The following FUT9 variants were observed in gnomAD, a reference collection of about 807,000 sequenced individuals.
The protein encoded by FUT9 is fucosyltransferase 9.
FUT9 carries 15 observed loss-of-function variants against 29.7 expected under a neutral mutation model. The ratio of observed to expected loss-of-function variants is 0.51; its 90% CI spans 0.34 to 0.78. FUT9 has a LOEUF of 0.78. Ranked by LOEUF, FUT9 falls within the 30% of genes least tolerant of loss-of-function variation. The probability of loss-of-function intolerance (pLI) is 0.01; values close to 1 mark genes in which losing one functional copy is unlikely to be tolerated. For missense variants in FUT9, 319 were observed against 425.4 expected (o/e 0.75, Z 2.20); for synonymous variants, 169 against 153.7 (o/e 1.10, Z -0.74).
In FUT9 at chr6:96,041,659, G is replaced by A. The variant is rs538054320; in HGVS notation, c.-98+25447G>A. On this transcript the variant is annotated intron_variant, in intron 1 of 2. Coordinates refer to ENST00000302103, the MANE Select transcript of FUT9 (RefSeq NM_006581.4). ...GGACACTAGTTTTTCCTTCATAAAAGCATATGTCTAAGGGCATTTCCAGCT... is the reference window on the plus strand; with the variant it reads ...GGACACTAGTTTTTCCTTCATAAAAACATATGTCTAAGGGCATTTCCAGCT... Among the ~76,000 whole-genome samples the A allele has an allele frequency of 9.9e-5, 15 of 152,246 alleles. No individual in the cohort carries two copies. In the South Asian group the frequency reaches 2.9e-3, roughly 29 times the overall value.
In FUT9 at chr6:96,205,294, A is replaced by G. The variant is rs1295876264; in HGVS notation, c.*1059A>G. 2 of 167,058 alleles carry G rather than the reference A, an allele frequency of 1.2e-5. No homozygotes were observed. Among genetic ancestry groups the G allele is most frequent in the Non-Finnish European group, 2.9e-5 (2 of 68,102 alleles). The allele number at this position is 167,058 out of a possible 1,614,324, so 10.3% of individuals were successfully genotyped here. A position where few individuals can be genotyped will look rare whatever the true frequency, so the allele number is the denominator to read the frequency against. ...TTAAATATAAGACGTTAAATATAAT[A>G]AAGTGGGGATATATAGAAAACACAC... On this transcript the variant is annotated 3_prime_UTR_variant, in exon 3 of 3. Coordinates refer to ENST00000302103, the MANE Select transcript of FUT9 (RefSeq NM_006581.4).
intron 1 of FUT9, among the ~76,000 whole-genome samples, chr6:96,069,616 T>A (rs1452022311): frequency 1.0e-5 from 1 of 97,390 alleles, no homozygotes; most frequent in Non-Finnish European, 2.3e-5. Flanking sequence ...CTATTATTTT[T>A]TTATTTTTTT....
intron 2 of FUT9, among the ~76,000 whole-genome samples, chr6:96,197,267 G>A (rs1773643426): frequency 6.6e-6 from 1 of 152,162 alleles, no homozygotes; most frequent in Non-Finnish European, 1.5e-5. Flanking sequence ...GAATATTTAG[G>A]AAAAGTGCTG....
intron 2 of FUT9, among the ~76,000 whole-genome samples, chr6:96,191,962 T>C (rs958924147): frequency 1.3e-5 from 2 of 152,156 alleles, no homozygotes; most frequent in Non-Finnish European, 2.9e-5. Context: ...CACATGATTA[T>C]CTCAATAGAT....
At chr6:96,034,929 T>A (rs1271099097) in intron 1 of FUT9, among the ~76,000 whole-genome samples, 1 of 151,682 alleles carries the variant, frequency 6.6e-6, no homozygotes, top group Admixed American at 6.6e-5. Context: ...GAATAGTGGT[T>A]TGGGAACTAC....
rs1212599739 is a variant in FUT9, at chr6:96,203,257, C to A, written c.102C>A (p.Asn34Lys). 1 of 1,613,790 alleles carries A rather than the reference C, an allele frequency of 6.2e-7. No homozygotes were observed. The highest frequency in any genetic ancestry group is 1.3e-5 in the African/African-American group (1 of 74,908). Residue 34 changes from asparagine (N) to lysine (K), a missense_variant, in exon 3 of 3, where the codon AAC becomes AAA. Asn to Lys is a moderately conservative substitution (Grantham distance 94). Coordinates refer to ENST00000302103, the MANE Select transcript of FUT9 (RefSeq NM_006581.4). ...ACLLIYIKPT[N>K]SWIFSPMESA... The stretch of plus-strand genomic sequence containing the variant: ...TTCTCATTTACATCAAACCTACCAA[C>A]AGCTGGATCTTCAGTCCAATGGAAT...
intron 1 of FUT9, among the ~76,000 whole-genome samples, chr6:96,068,953 A>G (rs1771007228): frequency 6.6e-6 from 1 of 152,240 alleles, no homozygotes; most frequent in South Asian, 2.1e-4. Context: ...TTTTGTACGC[A>G]GATAATAACC....
At chr6:96,154,821 G>A (rs879525417) in intron 2 of FUT9, among the ~76,000 whole-genome samples, 2 of 152,198 alleles carry the variant, frequency 1.3e-5, no homozygotes, top group Non-Finnish European at 2.9e-5. Flanking sequence ...AGTATTTCAT[G>A]TGAACACTTC....
chr6:96,068,994 T>G (rs1357271929), intron 1 of FUT9, among the ~76,000 whole-genome samples: 1 of 152,216 alleles, frequency 6.6e-6, no homozygotes, highest in Non-Finnish European at 1.5e-5. Context: ...TAGGATTCTA[T>G]TTACAGAAAC....
intron 1 of FUT9, among the ~76,000 whole-genome samples, chr6:96,043,112 C>A (rs996953208): frequency 6.6e-6 from 1 of 152,130 alleles, no homozygotes; most frequent in African/African-American, 2.4e-5. Flanking sequence ...AGTGCGGTGG[C>A]GCGATCTCGG....
At chr6:96,051,212 C>A (rs1770663836) in intron 1 of FUT9, among the ~76,000 whole-genome samples, 1 of 151,864 alleles carries the variant, frequency 6.6e-6, no homozygotes, top group African/African-American at 2.4e-5. Flanking sequence ...ACATACCTGG[C>A]CTTTGTGGGG....
intron 1 of FUT9, among the ~76,000 whole-genome samples, chr6:96,024,016 T>G (rs1770118943): frequency 6.6e-6 from 1 of 151,890 alleles, no homozygotes; most frequent in Non-Finnish European, 1.5e-5. Flanking sequence ...AATATATTAA[T>G]TACTATACAA....
chr6:96,032,293 C>G (rs934886159), intron 1 of FUT9, among the ~76,000 whole-genome samples: 25 of 151,542 alleles, frequency 1.6e-4, no homozygotes, highest in Non-Finnish European at 3.7e-4. Flanking sequence ...AACTTTCTAT[C>G]CCTAATGACT....
chr6:96,184,739 A>C (rs560984456), intron 2 of FUT9, among the ~76,000 whole-genome samples: 11 of 152,096 alleles, frequency 7.2e-5, no homozygotes, highest in African/African-American at 2.7e-4. Context: ...AGGTTATTTA[A>C]TTTCTATTTA....
At chr6:96,113,831 G>A (rs544506847) in intron 1 of FUT9, among the ~76,000 whole-genome samples, 35 of 145,086 alleles carry the variant, frequency 2.4e-4, no homozygotes, top group Admixed American at 4.9e-4. Context: ...TCCAGCCTGG[G>A]CCACAGAGCG....
intron 1 of FUT9, among the ~76,000 whole-genome samples, chr6:96,067,169 TG>T (rs1770976133): frequency 6.8e-6 from 1 of 147,444 alleles, no homozygotes; most frequent in African/African-American, 2.5e-5. Flanking sequence ...TATTAGGCTA[TG>T]GATACATAAA....
chr6:96,144,040 T>C (rs1385013259), intron 2 of FUT9, among the ~76,000 whole-genome samples: 1 of 152,162 alleles, frequency 6.6e-6, no homozygotes, highest in African/African-American at 2.4e-5. Context: ...GCTCTTCCTC[T>C]CCAAACTGGC....
intron 2 of FUT9, among the ~76,000 whole-genome samples, chr6:96,118,587 TTA>T (rs1387694557): frequency 6.6e-6 from 1 of 152,200 alleles, no homozygotes; most frequent in Non-Finnish European, 1.5e-5. Flanking sequence ...TAATAAACAA[TTA>T]TGTTATAGTT....
chr6:96,016,136 C>T lies in FUT9; in HGVS notation c.-174C>T. On this transcript the variant is annotated 5_prime_UTR_variant, in exon 1 of 3. Coordinates refer to ENST00000302103, the MANE Select transcript of FUT9 (RefSeq NM_006581.4). Reference sequence around the variant, plus strand: ...CGCGCTCTTAGGACAGCGCCGCCACCGCCGCCTGGCCCTGCCTGCCTCCTG... The same window carrying T: ...CGCGCTCTTAGGACAGCGCCGCCACTGCCGCCTGGCCCTGCCTGCCTCCTG... 1 of 155,016 alleles carries T rather than the reference C, an allele frequency of 6.5e-6. No homozygotes were observed. The highest frequency in any genetic ancestry group is 1.4e-5 in the Non-Finnish European group (1 of 70,260). The allele number at this position is 155,016 out of a possible 1,614,324, so 9.6% of individuals were successfully genotyped here. A position where few individuals can be genotyped will look rare whatever the true frequency, so the allele number is the denominator to read the frequency against.
Sources: gnomAD v4.1 joint callset for allele counts (sites outside exome capture counted in the v4.1 genomes callset) on GRCh38, gnomAD v4.1.1 for gene constraint, MANE v1.5 for transcripts, NCBI Gene and HGNC (gene_info 2026-07-23, HGNC 2026-07-21) for gene names.